Variants in CTNNA3 observed in about 807,000 individuals in gnomAD.
CTNNA3 encodes catenin alpha-3.
A neutral mutation model predicts 95.7 loss-of-function variants in CTNNA3; 76 were observed. The observed-to-expected ratio is 0.79, with a 90% confidence interval of 0.66 to 0.96. The LOEUF (loss-of-function observed/expected upper bound fraction) is 0.96. Ranked by LOEUF, CTNNA3 falls within the 40% of genes least tolerant of loss-of-function variation. The probability of loss-of-function intolerance (pLI) is 0.00; values close to 1 mark genes in which losing one functional copy is unlikely to be tolerated. For synonymous variants in CTNNA3, 431 were observed against 374.4 expected (o/e 1.15, Z -1.74); for missense variants, 1,191 against 1,089.8 (o/e 1.09, Z -1.31).
chr10:66,135,748 A>C (rs1212292801), intron 13 of CTNNA3, among the ~76,000 whole-genome samples: 2 of 152,228 alleles, frequency 1.3e-5, no homozygotes, highest in Non-Finnish European at 2.9e-5. Context: ...CGCCTTTACT[A>C]AGTAAAACCT....
intron 11 of CTNNA3, among the ~76,000 whole-genome samples, chr10:66,461,470 T>G (rs2093528614): frequency 6.6e-6 from 1 of 152,050 alleles, no homozygotes; most frequent in Admixed American, 6.6e-5. Context: ...TTAGGTAATA[T>G]ATTTCCTACG....
chr10:67,239,686 C>CA (rs1865644016), intron 5 of CTNNA3, among the ~76,000 whole-genome samples: 1 of 151,942 alleles, frequency 6.6e-6, no homozygotes, highest in South Asian at 2.1e-4. Context: ...AAATGAAAAA[C>CA]AAAAAGTAAA....
At chr10:66,741,613 C>A (rs1374241667) in intron 9 of CTNNA3, among the ~76,000 whole-genome samples, 1 of 152,118 alleles carries the variant, frequency 6.6e-6, no homozygotes, top group Non-Finnish European at 1.5e-5. Context: ...GAGTGTTTGG[C>A]CTTTGCTGGG....
At chr10:66,283,404 A>T (rs1301699131) in intron 12 of CTNNA3, among the ~76,000 whole-genome samples, 1 of 151,878 alleles carries the variant, frequency 6.6e-6, no homozygotes, top group Non-Finnish European at 1.5e-5. Context: ...TCAATCTGCT[A>T]TTATTGATAC....
At chr10:67,701,925 A>G (rs1199524969) in intron 1 of CTNNA3, among the ~76,000 whole-genome samples, 2 of 152,198 alleles carry the variant, frequency 1.3e-5, no homozygotes, top group Non-Finnish European at 2.9e-5. Flanking sequence ...AAAAGGATGG[A>G]GGAAGATCTA....
intron 13 of CTNNA3, among the ~76,000 whole-genome samples, chr10:66,176,446 T>C (rs370426514): frequency 1.1e-4 from 17 of 152,120 alleles, no homozygotes; most frequent in African/African-American, 4.1e-4. Context: ...AAAGGAACTA[T>C]TAAACTTAGA....
chr10:66,474,237 T>C (rs1402961361), intron 11 of CTNNA3, among the ~76,000 whole-genome samples: 1 of 152,074 alleles, frequency 6.6e-6, no homozygotes, highest in Non-Finnish European at 1.5e-5. Flanking sequence ...CTACACTCCC[T>C]AGCCTCTGGC....
At chr10:66,018,381 G>A (rs191470494) in intron 15 of CTNNA3, among the ~76,000 whole-genome samples, 11 of 151,994 alleles carry the variant, frequency 7.2e-5, no homozygotes, top group East Asian at 1.9e-4. Context: ...TACAAACTTC[G>A]TGACATACAA....
At chr10:66,753,936 ATTG>A (rs1368647440) in intron 9 of CTNNA3, among the ~76,000 whole-genome samples, 1 of 152,110 alleles carries the variant, frequency 6.6e-6, no homozygotes, top group Non-Finnish European at 1.5e-5. Flanking sequence ...AAGACATAAT[ATTG>A]TTAAGATGGA....
chr10:66,586,653 A>G (rs1473943357), intron 10 of CTNNA3, among the ~76,000 whole-genome samples: 1 of 152,074 alleles, frequency 6.6e-6, no homozygotes, highest in Non-Finnish European at 1.5e-5. Flanking sequence ...CTGAGCTCCC[A>G]TGAGAGAAGC....
intron 9 of CTNNA3, among the ~76,000 whole-genome samples, chr10:66,763,476 G>GA (rs58526245): frequency 0.86 from 130,656 of 151,446 alleles, 56,802 homozygotes; most frequent in East Asian, 1. Flanking sequence ...TCTCTCAGTT[G>GA]AAAAAAAAAT....
intron 5 of CTNNA3, among the ~76,000 whole-genome samples, chr10:67,454,293 T>C (rs1303640026): frequency 6.6e-6 from 1 of 152,132 alleles, no homozygotes; most frequent in Non-Finnish European, 1.5e-5. Flanking sequence ...AGAATTCTCG[T>C]GGTTATTTAA....
At chr10:67,187,151 C>T (rs543767364) in intron 6 of CTNNA3, among the ~76,000 whole-genome samples, 12 of 152,206 alleles carry the variant, frequency 7.9e-5, no homozygotes, top group Non-Finnish European at 1.6e-4. Context: ...TAGTAAGTAG[C>T]AGAGGGAAGA....
chr10:66,749,067 C>A (rs1839009078), intron 9 of CTNNA3, among the ~76,000 whole-genome samples: 1 of 150,904 alleles, frequency 6.6e-6, no homozygotes, highest in Non-Finnish European at 1.5e-5. Context: ...CCATGTAGTC[C>A]CAGCTGTCAC....
At chr10:67,081,225 G>A (rs913594817) in intron 7 of CTNNA3, among the ~76,000 whole-genome samples, 7 of 152,144 alleles carry the variant, frequency 4.6e-5, no homozygotes, top group Non-Finnish European at 4.4e-5. Context: ...AATGACTGTT[G>A]GCAGGGCATT....
chr10:66,750,054 G>A lies in CTNNA3; in HGVS notation c.1281+16210C>T, dbSNP rs554150142. Among the ~76,000 whole-genome samples, 20 of 152,212 alleles carry A rather than the reference G, an allele frequency of 1.3e-4. No individual in the cohort carries two copies. In the South Asian group the frequency reaches 4.1e-3, roughly 32 times the overall value. On this transcript the variant is annotated intron_variant, in intron 9 of 17. Transcript: ENST00000433211. The stretch of plus-strand genomic sequence containing the variant: ...GTTTAGGCCTTCAGTTCATTTTTCA[G>A]TTTGGTTGTTTTCTTATTGTTGAGT...
intron 5 of CTNNA3, among the ~76,000 whole-genome samples, chr10:67,505,472 A>G (rs1839400983): frequency 6.6e-6 from 1 of 152,230 alleles, no homozygotes; most frequent in African/African-American, 2.4e-5. Flanking sequence ...GAAGGGCTTC[A>G]GTAACTCCCA....
At chr10:67,730,345 T>C (rs971892560) in intron 1 of CTNNA3, among the ~76,000 whole-genome samples, 1 of 152,056 alleles carries the variant, frequency 6.6e-6, no homozygotes, top group African/African-American at 2.4e-5. Flanking sequence ...ATGTTAAGAT[T>C]TGTGGTGAAA....
At chr10:66,231,850 A>T (rs1053720799) in intron 13 of CTNNA3, among the ~76,000 whole-genome samples, 2 of 152,188 alleles carry the variant, frequency 1.3e-5, no homozygotes, top group Admixed American at 6.5e-5. Flanking sequence ...ATTAGCTGAC[A>T]AACAAAGCCC....
Sources: allele counts gnomAD v4.1 joint callset (sites outside exome capture counted in the v4.1 genomes callset), GRCh38; gene constraint gnomAD v4.1.1; transcripts MANE v1.5; gene names NCBI Gene and HGNC (gene_info 2026-07-23, HGNC 2026-07-21).